The following NRXN1 variants were observed in gnomAD, a reference collection of about 807,000 sequenced individuals.
NRXN1 encodes neurexin 1, also known as neurexin-1.
In NRXN1, 39 loss-of-function variants were observed where a neutral mutation model predicts 150.9. The observed-to-expected ratio is 0.26, with a 90% CI of 0.20 to 0.34. The LOEUF (loss-of-function observed/expected upper bound fraction) is 0.34, where lower values mean the gene tolerates loss of function less well. NRXN1 is among the 10% of genes least tolerant of loss of function. The pLI, the probability that NRXN1 is intolerant of heterozygous loss-of-function variation, is 1.00. For missense variants in NRXN1, 1,815 were observed against 1,949.9 expected, an observed-to-expected ratio of 0.93 and a Z score of 1.30; for synonymous variants, 924 against 757.0, an observed-to-expected ratio of 1.22 and a Z score of -3.62.
Position 50,346,939 on chromosome 2 carries a change from C to T in NRXN1, c.3365-109969G>A. 1 of 1,363,362 alleles carries T rather than the reference C, an allele frequency of 7.3e-7. No homozygotes were observed. The highest frequency in any genetic ancestry group is 9.4e-7 in the Non-Finnish European group (1 of 1,058,494). The allele number at this position is 1,363,362 out of a possible 1,614,324, so 84.5% of individuals were successfully genotyped here. On this transcript the variant is annotated intron_variant, in intron 17 of 22. Coordinates refer to ENST00000401669, the MANE Select transcript of NRXN1 (RefSeq NM_001330078.2). The surrounding 1 kb of genome is among the most constrained non-coding windows in gnomAD (Gnocchi z 5.0). ...CAGCTCGGCGCCGCACCGGAGCATC[C>T]TCTGGTACATGGCGGGGCGCCCGCC...
At chr2:50,065,278 T>G (rs142170696) in intron 19 of NRXN1, among the ~76,000 whole-genome samples, 12 of 152,244 alleles carry the variant, frequency 7.9e-5, no homozygotes, top group African/African-American at 2.9e-4. Flanking sequence ...AGAGATGACA[T>G]AAAACTAATG....
intron 8 of NRXN1, among the ~76,000 whole-genome samples, chr2:50,597,993 C>T (rs1971730): frequency 0.36 from 54,155 of 151,634 alleles, 10,086 homozygotes; most frequent in East Asian, 0.65. Flanking sequence ...ACAAAAATTA[C>T]CCGGGCATGG....
chr2:50,895,435 T>C (rs1021125001), intron 5 of NRXN1, among the ~76,000 whole-genome samples: 5 of 152,196 alleles, frequency 3.3e-5, no homozygotes, highest in Non-Finnish European at 5.9e-5. Context: ...GAGCCTGTTT[T>C]CTCTTCCGTA....
intron 17 of NRXN1, among the ~76,000 whole-genome samples, chr2:50,404,164 G>C (rs1294868548): frequency 6.9e-6 from 1 of 145,064 alleles, no homozygotes; most frequent in African/African-American, 2.6e-5. Context: ...GTTTTTTTTT[G>C]TTTGTTTTGT....
chr2:50,701,883 A>T (rs1693791868), intron 5 of NRXN1, among the ~76,000 whole-genome samples: 1 of 152,140 alleles, frequency 6.6e-6, no homozygotes, highest in South Asian at 2.1e-4. Context: ...GTTTTTTACT[A>T]TAAGAATAAT....
At chr2:50,074,193 C>T (rs1195850609) in intron 19 of NRXN1, among the ~76,000 whole-genome samples, 8 of 152,018 alleles carry the variant, frequency 5.3e-5, no homozygotes, top group Admixed American at 3.3e-4. Context: ...ATTTTTAAAA[C>T]ATTTTATATT....
Position 50,389,605 on chromosome 2 carries a change from T to C in NRXN1, c.3364+75837A>G, listed in dbSNP as rs543952585. ...GTTTTTCAAGGCCTCTCAGAGGTTA[T>C]TTCTTTCAGTTCCCAAACTACATTA... On this transcript the variant is annotated intron_variant, in intron 17 of 22. Coordinates refer to ENST00000401669, the MANE Select transcript of NRXN1 (RefSeq NM_001330078.2). 4.6e-5 allele frequency among the ~76,000 whole-genome samples: 7 copies of C among 152,236 alleles called. No homozygotes were observed. In the South Asian group the frequency reaches 8.3e-4, roughly 18 times the overall value.
chr2:50,058,097 C>T (rs1693927875), intron 19 of NRXN1, among the ~76,000 whole-genome samples: 1 of 152,070 alleles, frequency 6.6e-6, no homozygotes, highest in Admixed American at 6.6e-5. Flanking sequence ...TAGAATTTGT[C>T]CTCAAACATT....
At chr2:50,512,956 C>A (rs1181707755) in intron 12 of NRXN1, among the ~76,000 whole-genome samples, 1 of 152,050 alleles carries the variant, frequency 6.6e-6, no homozygotes, top group African/African-American at 2.4e-5. Flanking sequence ...CAGGGGAGAT[C>A]TGCATGCATC....
intron 9 of NRXN1, among the ~76,000 whole-genome samples, chr2:50,539,313 G>T (rs1251951283): frequency 6.6e-6 from 1 of 152,094 alleles, no homozygotes; most frequent in Non-Finnish European, 1.5e-5. Context: ...TTCAGTGAAA[G>T]AATCAAGTAA....
At chr2:50,667,787 G>A (rs951700629) in intron 5 of NRXN1, among the ~76,000 whole-genome samples, 2 of 151,798 alleles carry the variant, frequency 1.3e-5, no homozygotes, top group Non-Finnish European at 2.9e-5. Flanking sequence ...AAGTATTATT[G>A]CATCTTTGTA....
intron 18 of NRXN1, chr2:50,174,961 T>A (rs1390152706): frequency 6.6e-6 from 1 of 152,210 alleles, no homozygotes; most frequent in East Asian, 1.9e-4. Flanking sequence ...TTTCACTATA[T>A]TACCCACATG....
At chr2:50,121,761 TC>T (rs1432449699) in intron 18 of NRXN1, among the ~76,000 whole-genome samples, 3 of 152,196 alleles carry the variant, frequency 2.0e-5, no homozygotes, top group Non-Finnish European at 4.4e-5. Flanking sequence ...GAAGAAAACA[TC>T]CTAGTACTTT....
At chr2:50,936,503 A>G (rs1212868413) in intron 2 of NRXN1, among the ~76,000 whole-genome samples, 7 of 152,204 alleles carry the variant, frequency 4.6e-5, no homozygotes, top group Admixed American at 4.6e-4. Flanking sequence ...TACAGTAAGT[A>G]TGTGAAATGG....
intron 17 of NRXN1, among the ~76,000 whole-genome samples, chr2:50,238,296 T>C (rs752322643): frequency 1.1e-4 from 16 of 151,972 alleles, no homozygotes; most frequent in African/African-American, 2.4e-4. Flanking sequence ...AAATGGGACA[T>C]TGTTGTTTTC....
intron 2 of NRXN1, among the ~76,000 whole-genome samples, chr2:50,941,150 T>G (rs1231322806): frequency 6.6e-6 from 1 of 152,138 alleles, no homozygotes; most frequent in Non-Finnish European, 1.5e-5. Flanking sequence ...TGCCTTGCTT[T>G]CCCTTCACTT....
rs148490168 is a variant in NRXN1, at chr2:50,439,752, G to C, written c.3364+25690C>G. Among the ~76,000 whole-genome samples the C allele has an allele frequency of 7.1e-3, 1,084 of 151,768 alleles. 12 individuals are homozygous for C. The highest frequency in any genetic ancestry group is 0.011 in the Non-Finnish European group (722 of 67,946). Reference sequence around the variant, plus strand: ...GAATGGCGTGAACCTGGGAGGCAGAGCTTGCAGTGAACCGAAATTGTGCCA... The same window carrying C: ...GAATGGCGTGAACCTGGGAGGCAGACCTTGCAGTGAACCGAAATTGTGCCA... On this transcript the variant is annotated intron_variant, in intron 17 of 22. Coordinates refer to ENST00000401669, the MANE Select transcript of NRXN1 (RefSeq NM_001330078.2).
chr2:50,819,392 T>G (rs1348199662), intron 5 of NRXN1, among the ~76,000 whole-genome samples: 1 of 152,136 alleles, frequency 6.6e-6, no homozygotes, highest in Non-Finnish European at 1.5e-5. Flanking sequence ...ACATAAACCT[T>G]GAGGATATCA....
chr2:50,139,533 T>C (rs1460348672), intron 18 of NRXN1, among the ~76,000 whole-genome samples: 1 of 152,132 alleles, frequency 6.6e-6, no homozygotes, highest in Non-Finnish European at 1.5e-5. Context: ...AAAGTTCCAT[T>C]CTTTTCAATG....
Sources: allele counts gnomAD v4.1 joint callset (sites outside exome capture counted in the v4.1 genomes callset), GRCh38; gene constraint gnomAD v4.1.1; non-coding constraint Gnocchi (gnomAD v3.1); transcripts MANE v1.5; gene names NCBI Gene and HGNC (gene_info 2026-07-23, HGNC 2026-07-21).